The following ANKRD11 variants were observed in gnomAD, a reference collection of about 807,000 sequenced individuals.
The protein encoded by ANKRD11 is ankyrin repeat domain-containing protein 11.
A neutral mutation model predicts 195.7 loss-of-function variants in ANKRD11; 17 were observed. The observed-to-expected ratio is 0.09, with a 90% CI of 0.06 to 0.13. ANKRD11 has a LOEUF of 0.13. Among genes scored for constraint, ANKRD11 ranks in the 10% least tolerant of loss-of-function variants. ANKRD11 has a pLI of 1.00. For synonymous variants in ANKRD11, 1,953 were observed against 1,528.1 expected (o/e 1.28, Z -6.49); for missense variants, 3,735 against 3,566.1 (o/e 1.05, Z -1.21).
chr16:89,397,896 C>G (rs1345414998), intron 2 of ANKRD11, among the ~76,000 whole-genome samples: 2 of 152,244 alleles, frequency 1.3e-5, no homozygotes, highest in African/African-American at 2.4e-5. Flanking sequence ...CTCTCCATCC[C>G]TGGTCAAAGC....
chr16:89,288,075 G>A (rs536187893), intron 7 of ANKRD11: 16 of 565,688 alleles, frequency 2.8e-5, no homozygotes, highest in Non-Finnish European at 4.4e-5. Context: ...CTCCTGGGCC[G>A]GCCACAATGG....
chr16:89,324,861 G>A (rs186976960), intron 2 of ANKRD11: 71 of 274,142 alleles, frequency 2.6e-4, no homozygotes, highest in African/African-American at 1.4e-3. Context: ...CCTATTGTGG[G>A]ACTTCACCTC....
intron 2 of ANKRD11, chr16:89,395,573 C>G (rs964949345): frequency 2.6e-5 from 4 of 152,248 alleles, no homozygotes; most frequent in African/African-American, 9.6e-5. Context: ...AATGGGCCAT[C>G]ACATTGGAAC....
intron 2 of ANKRD11, among the ~76,000 whole-genome samples, chr16:89,362,458 G>A (rs2039773630): frequency 6.6e-6 from 1 of 152,202 alleles, no homozygotes; most frequent in East Asian, 1.9e-4. Flanking sequence ...GAACAGCACT[G>A]AAGCCGGAAG....
At chr16:89,353,030 G>A (rs958595960) in intron 2 of ANKRD11, among the ~76,000 whole-genome samples, 7 of 152,132 alleles carry the variant, frequency 4.6e-5, no homozygotes, top group Admixed American at 1.3e-4. Flanking sequence ...CCCTAACACT[G>A]AGTTAAAATT....
intron 1 of ANKRD11, among the ~76,000 whole-genome samples, chr16:89,440,869 G>A (rs1014081412): frequency 4.6e-5 from 7 of 152,230 alleles, no homozygotes; most frequent in Admixed American, 1.3e-4. Flanking sequence ...GTGTGAGTGC[G>A]CATGAATCCT....
Position 89,441,620 on chromosome 16 carries a change from A to G in ANKRD11, c.-144-23252T>C, listed in dbSNP as rs186551116. On this transcript the variant is annotated intron_variant, in intron 1 of 12. Coordinates refer to ENST00000301030, the MANE Select transcript of ANKRD11 (RefSeq NM_013275.6). ...ACCTCTACTAAAAATACAAAAAATT[A>G]GCTGGGTGTGGTGGTGGGCACCTGC... is the stretch of plus-strand genomic sequence containing the variant. Among the ~76,000 whole-genome samples, 48 of 151,974 alleles carry G rather than the reference A, an allele frequency of 3.2e-4. 1 individual carries two copies. Among genetic ancestry groups the G allele is most frequent in the African/African-American group, 1.1e-3 (47 of 41,456 alleles).
At position 89,469,768 on chromosome 16, in the gene ANKRD11, G is replaced by A. The variant is rs970457090; in HGVS notation, c.-145+20477C>T. 1.5e-4 allele frequency among the ~76,000 whole-genome samples: 22 copies of A among 149,322 alleles called. No individual in the cohort carries two copies. The East Asian group carries it at 2.4e-3, about 16-fold the overall frequency. ...AAAAAAAATAGCTGGGCGTGGTGGC[G>A]GGCGCCTGTAGTCCCAGCTACTCGG... On this transcript the variant is annotated intron_variant, in intron 1 of 12. Coordinates refer to ENST00000301030, the MANE Select transcript of ANKRD11 (RefSeq NM_013275.6).
intron 3 of ANKRD11, among the ~76,000 whole-genome samples, chr16:89,307,782 G>A (rs1409910860): frequency 6.6e-6 from 1 of 152,238 alleles, no homozygotes; most frequent in Non-Finnish European, 1.5e-5. Flanking sequence ...GGAAAGAATG[G>A]CACACACCAG....
intron 3 of ANKRD11, chr16:89,313,465 G>A: frequency 7.8e-7 from 1 of 1,289,190 alleles, no homozygotes; most frequent in South Asian, 1.2e-5. Context: ...GTGCTCACTG[G>A]TGCAGCCAAA....
chr16:89,290,942 G>T, intron 5 of ANKRD11, 71 bp downstream of exon 5: 1 of 1,609,844 alleles, frequency 6.2e-7, no homozygotes, highest in South Asian at 1.1e-5. Context: ...CTTGTCCTCA[G>T]CACAGCCATG....
intron 3 of ANKRD11, chr16:89,313,167 C>T (rs1021487088): frequency 3.7e-6 from 3 of 805,442 alleles, no homozygotes; most frequent in Non-Finnish European, 5.1e-6. Flanking sequence ...ACTTTGAGAA[C>T]CACCAAGTGA....
chr16:89,388,073 CAA>C (rs1198406470), intron 2 of ANKRD11, among the ~76,000 whole-genome samples: 1 of 151,608 alleles, frequency 6.6e-6, no homozygotes. Context: ...TTCAGACTTA[CAA>C]AAAAGTTGCA....
At chr16:89,395,208 C>A (rs376606891) in intron 2 of ANKRD11, among the ~76,000 whole-genome samples, 1 of 152,214 alleles carries the variant, frequency 6.6e-6, no homozygotes, top group Admixed American at 6.5e-5. Flanking sequence ...TTTAAGGCAG[C>A]GTCTTAACAG....
At chr16:89,390,589 A>C (rs1264293418) in intron 2 of ANKRD11, among the ~76,000 whole-genome samples, 5 of 152,212 alleles carry the variant, frequency 3.3e-5, no homozygotes, top group Non-Finnish European at 5.9e-5. Flanking sequence ...GAACCTGACC[A>C]AGGCACATCA....
chr16:89,461,259 T>C (rs1410600440), intron 1 of ANKRD11, among the ~76,000 whole-genome samples: 2 of 142,116 alleles, frequency 1.4e-5, no homozygotes, highest in African/African-American at 5.2e-5. Flanking sequence ...TCAGGGGTTA[T>C]GGGGAGAGTC....
At chr16:89,319,247 C>A (rs534087743) in intron 2 of ANKRD11, among the ~76,000 whole-genome samples, 1 of 152,280 alleles carries the variant, frequency 6.6e-6, no homozygotes, top group African/African-American at 2.4e-5. Context: ...GGTGTCTGGG[C>A]CCCGACAGTG....
chr16:89,458,028 C>T (rs937907104), intron 1 of ANKRD11, among the ~76,000 whole-genome samples: 6 of 151,984 alleles, frequency 3.9e-5, no homozygotes, highest in East Asian at 1.9e-4. Flanking sequence ...GACTGGAGAC[C>T]GCAGCCATCC....
chr16:89,335,356 G>A (rs1300420060), intron 2 of ANKRD11, among the ~76,000 whole-genome samples: 2 of 152,180 alleles, frequency 1.3e-5, no homozygotes, highest in South Asian at 4.1e-4. Context: ...AATCCACACC[G>A]AGGCATCCGT....
Sources: gnomAD v4.1 joint callset for allele counts (sites outside exome capture counted in the v4.1 genomes callset) on GRCh38, gnomAD v4.1.1 for gene constraint, MANE v1.5 for transcripts, NCBI Gene and HGNC (gene_info 2026-07-23, HGNC 2026-07-21) for gene names.